The following NDUFAF6 variants were observed in gnomAD, a reference collection of about 807,000 sequenced individuals.
NDUFAF6 encodes NADH dehydrogenase (ubiquinone) complex I, assembly factor 6.
Under a neutral mutation model 40.8 loss-of-function variants are expected in NDUFAF6, and 45 were observed. The ratio of observed to expected loss-of-function variants is 1.10; its 90% confidence interval spans 0.87 to 1.42. NDUFAF6 has a LOEUF of 1.42. NDUFAF6 is among the 40% of genes most tolerant of loss of function. The pLI is 0.00. For synonymous variants in NDUFAF6, 185 were observed against 155.9 expected, an observed-to-expected ratio of 1.19 and a Z score of -1.39; for missense variants, 435 against 418.5, an observed-to-expected ratio of 1.04 and a Z score of -0.34.
downstream of NDUFAF6, among the ~76,000 whole-genome samples, chr8:95,061,793 G>A (rs568809035): frequency 6.6e-6 from 1 of 152,226 alleles, no homozygotes; most frequent in East Asian, 1.9e-4. Flanking sequence ...TCATTCTGTA[G>A]TATACGCTGA....
intron 9 of NDUFAF6, among the ~76,000 whole-genome samples, chr8:95,066,313 GAGAC>G: frequency 8.9e-6 from 1 of 112,380 alleles, no homozygotes; most frequent in African/African-American, 3.8e-5. Context: ...TTTTTTTTGA[GAGAC>G]AGGGTCTCAC....
At chr8:95,089,420 A>T (rs953893729) in intron 2 of NDUFAF6, among the ~76,000 whole-genome samples, 3 of 150,594 alleles carry the variant, frequency 2.0e-5, no homozygotes, top group Non-Finnish European at 4.4e-5. Context: ...ATCCAGTATC[A>T]CTGTATATAG....
At chr8:95,060,727 C>T (rs887189521), downstream of NDUFAF6, among the ~76,000 whole-genome samples, 1 of 152,162 alleles carries the variant, frequency 6.6e-6, no homozygotes, top group South Asian at 2.1e-4. Context: ...AGCCCAAAGC[C>T]CATTATTTTT....
intron 1 of NDUFAF6, among the ~76,000 whole-genome samples, chr8:94,940,519 CT>C (rs1277456002): frequency 2.0e-5 from 3 of 151,958 alleles, no homozygotes; most frequent in African/African-American, 7.3e-5. Flanking sequence ...GATTTTAAGA[CT>C]GTTTCTATTC....
intron 1 of NDUFAF6, among the ~76,000 whole-genome samples, chr8:94,971,026 A>G (rs1038866689): frequency 1.3e-5 from 2 of 152,258 alleles, no homozygotes; most frequent in African/African-American, 2.4e-5. Flanking sequence ...GAGTATAAAG[A>G]TAATTCAGAA....
At chr8:95,067,172 A>G (rs1832724026) in intron 9 of NDUFAF6, 1 of 152,264 alleles carries the variant, frequency 6.6e-6, no homozygotes, top group South Asian at 2.1e-4. Flanking sequence ...TACCAGATGC[A>G]TGGGCTGGGG....
At position 94,986,658 on chromosome 8, in the gene NDUFAF6, C is replaced by T. The variant is rs549821701; in HGVS notation, c.-84+5685C>T. Among the ~76,000 whole-genome samples, 4 of 152,232 alleles carry T rather than the reference C, an allele frequency of 2.6e-5. 1 individual carries two copies. Among genetic ancestry groups the T allele is most frequent in the Admixed American group, 2.6e-4 (4 of 15,294 alleles). On this transcript the variant is annotated intron_variant, in intron 2 of 9. Transcript: ENST00000396111. ...TGGGGTTTTCGGTTTTCTGCTTTTT[C>T]CTTAGGGTCCTCAAAGATGAGGAAG...
downstream of NDUFAF6, among the ~76,000 whole-genome samples, chr8:95,105,068 GAGAGAGAGAGAGAGA>G: frequency 1.3e-4 from 1 of 7,834 alleles, no homozygotes; most frequent in Admixed American, 1.5e-3. Context: ...CACACACACA[GAGAGAGAGAGAGAGA>G]GAGAGAGAGA....
At chr8:95,016,929 CTCT>C (rs1444589224) in intron 2 of NDUFAF6, among the ~76,000 whole-genome samples, 2 of 129,376 alleles carry the variant, frequency 1.5e-5, no homozygotes, top group Admixed American at 8.9e-5. Context: ...CCTCCTCCTC[CTCT>C]TTTTTTTTTT....
chr8:95,077,419 G>A (rs79273811), downstream of NDUFAF6, among the ~76,000 whole-genome samples: 1,595 of 152,180 alleles, frequency 0.01, 25 homozygotes, highest in African/African-American at 0.036. Context: ...TTTTCTATCC[G>A]GTAACTGAGA....
At chr8:95,115,089 T>C (rs981134598) in intron 4 of NDUFAF6, among the ~76,000 whole-genome samples, 2 of 151,954 alleles carry the variant, frequency 1.3e-5, no homozygotes, top group African/African-American at 2.4e-5. Context: ...TCTATTGAGA[T>C]AGGCTTGCAT....
chr8:95,031,487 A>C (rs557408932), intron 1 of NDUFAF6, among the ~76,000 whole-genome samples: 2 of 152,346 alleles, frequency 1.3e-5, no homozygotes, highest in African/African-American at 4.8e-5. Flanking sequence ...AGTACTACAT[A>C]AGTCATAGTA....
At chr8:94,951,909 C>T (rs1401300542) in intron 2 of NDUFAF6, among the ~76,000 whole-genome samples, 1 of 152,202 alleles carries the variant, frequency 6.6e-6, no homozygotes, top group Non-Finnish European at 1.5e-5. Flanking sequence ...TGTCAAATTA[C>T]ACAAATGCAA....
intron 2 of NDUFAF6, among the ~76,000 whole-genome samples, chr8:95,010,549 C>G (rs959941558): frequency 1.3e-5 from 2 of 152,164 alleles, no homozygotes; most frequent in Admixed American, 6.5e-5. Context: ...TCCCCCCTTT[C>G]TTTCTCTTTA....
intron 2 of NDUFAF6, among the ~76,000 whole-genome samples, chr8:95,013,107 T>G (rs1020625010): frequency 4.0e-5 from 6 of 148,844 alleles, no homozygotes; most frequent in African/African-American, 1.5e-4. Context: ...CTTCTTCTCC[T>G]TTTTTTTTTC....
intron 5 of NDUFAF6, among the ~76,000 whole-genome samples, chr8:95,046,093 G>A (rs1050582463): frequency 6.7e-6 from 1 of 148,784 alleles, no homozygotes; most frequent in Non-Finnish European, 1.5e-5. Flanking sequence ...ATGGAGTCTC[G>A]CTTTGTCCCC....
intron 2 of NDUFAF6, among the ~76,000 whole-genome samples, chr8:94,950,602 TATG>T (rs1392189801): frequency 1.3e-5 from 2 of 152,218 alleles, no homozygotes; most frequent in Non-Finnish European, 2.9e-5. Context: ...ATGATCAAAA[TATG>T]ATGGTCATTG....
intron 1 of NDUFAF6, among the ~76,000 whole-genome samples, chr8:94,933,849 G>GGGA (rs1820698675): frequency 7.0e-6 from 1 of 142,726 alleles, no homozygotes. Flanking sequence ...GGGGGGGGAG[G>GGGA]ATCACGAGGT....
At chr8:95,080,264 G>T (rs1808785038), downstream of NDUFAF6, among the ~76,000 whole-genome samples, 1 of 149,730 alleles carries the variant, frequency 6.7e-6, no homozygotes, top group Non-Finnish European at 1.5e-5. Context: ...TTTTTGTAGT[G>T]ATTTTTTGTA....
Sources: gnomAD v4.1 joint callset for allele counts (sites outside exome capture counted in the v4.1 genomes callset) on GRCh38, gnomAD v4.1.1 for gene constraint, MANE v1.5 for transcripts, NCBI Gene and HGNC (gene_info 2026-07-23, HGNC 2026-07-21) for gene names.